OR3A2: variants seen among roughly 807,000 people sequenced by gnomAD.
OR3A2 encodes olfactory receptor family 3 subfamily A member 2, also known as olfactory receptor 3A2.
For missense variants in OR3A2, 318 were observed against 392.8 expected, an observed-to-expected ratio of 0.81 and a Z score of 1.61; for synonymous variants, 126 against 159.3, an observed-to-expected ratio of 0.79 and a Z score of 1.57.
intron 2 of OR3A2, among the ~76,000 whole-genome samples, chr17:3,379,907 C>A (rs1284446412): frequency 1.3e-5 from 2 of 152,182 alleles, no homozygotes; most frequent in Non-Finnish European, 2.9e-5. Flanking sequence ...CTCGATGCCC[C>A]CTCTCCTACT....
At chr17:3,293,273 T>C (rs538647774) in intron 3 of OR3A2, among the ~76,000 whole-genome samples, 7 of 152,126 alleles carry the variant, frequency 4.6e-5, no homozygotes, top group Admixed American at 2.0e-4. Flanking sequence ...TGACCCTGAA[T>C]TGGACTCAAG....
chr17:3,333,520 C>A (rs992568950), intron 3 of OR3A2, among the ~76,000 whole-genome samples: 2 of 152,130 alleles, frequency 1.3e-5, no homozygotes, highest in African/African-American at 4.8e-5. Flanking sequence ...TAAAAACTTG[C>A]TGGTTTTGCA....
At chr17:3,306,123 C>T (rs954406344) in intron 3 of OR3A2, among the ~76,000 whole-genome samples, 3 of 151,280 alleles carry the variant, frequency 2.0e-5, no homozygotes, top group Non-Finnish European at 4.4e-5. Flanking sequence ...CTGAGCTCCA[C>T]TGGAGGCTCT....
exon 2 of OR3A2, chr17:3,277,329 GTTT>G (rs58671809): frequency 6.6e-6 from 1 of 152,104 alleles, no homozygotes; most frequent in Admixed American, 6.6e-5. Flanking sequence ...TATGGTTTTG[GTTT>G]TTTTAAAAAA....
chr17:3,288,477 C>T (rs804241), upstream of OR3A2, among the ~76,000 whole-genome samples: 76,437 of 151,854 alleles, frequency 0.5, 20,469 homozygotes, highest in East Asian at 0.93. Flanking sequence ...CAGGGGTAAG[C>T]GATGTTTGCA....
chr17:3,341,063 T>G (rs550749828), intron 2 of OR3A2, among the ~76,000 whole-genome samples: 1 of 152,242 alleles, frequency 6.6e-6, no homozygotes, highest in East Asian at 1.9e-4. Flanking sequence ...TTAAAGTCTG[T>G]CTTATCAGAG....
intron 3 of OR3A2, chr17:3,291,756 G>C (rs746433134): frequency 6.2e-7 from 1 of 1,613,842 alleles, no homozygotes; most frequent in Non-Finnish European, 8.5e-7. Flanking sequence ...AATTCCAACA[G>C]CTTTATCCTT....
intron 2 of OR3A2, among the ~76,000 whole-genome samples, chr17:3,353,118 CTTTT>C (rs33989147): frequency 6.9e-6 from 1 of 145,480 alleles, no homozygotes; most frequent in Non-Finnish European, 1.5e-5. Context: ...CTTATAAGTT[CTTTT>C]TTTTTTTTTG....
chr17:3,367,584 T>C (rs952908577), intron 2 of OR3A2, among the ~76,000 whole-genome samples: 1 of 93,768 alleles, frequency 1.1e-5, no homozygotes, highest in Admixed American at 1.3e-4. Flanking sequence ...GGTGTATATG[T>C]ATATGTGTGT....
intron 2 of OR3A2, among the ~76,000 whole-genome samples, chr17:3,354,055 T>A (rs551503376): frequency 2.9e-4 from 44 of 151,958 alleles, no homozygotes; most frequent in Non-Finnish European, 4.0e-4. Flanking sequence ...GTAATTTTTT[T>A]AAATGTATTG....
chr17:3,327,338 G>A, intron 3 of OR3A2, among the ~76,000 whole-genome samples: 1 of 60,684 alleles, frequency 1.6e-5, no homozygotes, highest in Non-Finnish European at 2.5e-5. Context: ...GTGTTTTTTG[G>A]CTGCATAAAT....
chr17:3,365,032 G>A (rs1266908982), intron 2 of OR3A2, among the ~76,000 whole-genome samples: 1 of 152,056 alleles, frequency 6.6e-6, no homozygotes, highest in African/African-American at 2.4e-5. Flanking sequence ...ACTAAGAAAT[G>A]GTCTAATGAT....
chr17:3,301,574 T>C (rs1338057181), intron 3 of OR3A2, among the ~76,000 whole-genome samples: 1 of 152,250 alleles, frequency 6.6e-6, no homozygotes, highest in Non-Finnish European at 1.5e-5. Flanking sequence ...TTAAGTTCTT[T>C]GTAGATTCTG....
At chr17:3,323,621 T>C (rs553125774) in intron 3 of OR3A2, among the ~76,000 whole-genome samples, 1 of 152,190 alleles carries the variant, frequency 6.6e-6, no homozygotes, top group African/African-American at 2.4e-5. Flanking sequence ...TTATGAAGCT[T>C]AGTTTGGCTG....
At chr17:3,373,084 T>C (rs977627551) in intron 2 of OR3A2, among the ~76,000 whole-genome samples, 6 of 152,330 alleles carry the variant, frequency 3.9e-5, no homozygotes, top group South Asian at 4.1e-4. Flanking sequence ...TTATATAATT[T>C]CCATGCGTGT....
chr17:3,356,342 A>T (rs764275021), intron 2 of OR3A2, among the ~76,000 whole-genome samples: 10 of 151,480 alleles, frequency 6.6e-5, no homozygotes, highest in Non-Finnish European at 1.3e-4. Context: ...ACCTTCAGAT[A>T]ATTTTTCCTT....
At chr17:3,366,605 T>A (rs1234525936) in intron 2 of OR3A2, among the ~76,000 whole-genome samples, 1 of 152,208 alleles carries the variant, frequency 6.6e-6, no homozygotes, top group Admixed American at 6.5e-5. Flanking sequence ...TCCGATACTC[T>A]CTACCTTACC....
rs529962746 is a variant in OR3A2 at position 3,309,031 on chromosome 17, G to A, written c.-85+27002C>T. Among the ~76,000 whole-genome samples, 50 of 152,058 alleles carry A rather than the reference G, an allele frequency of 3.3e-4. No individual in the cohort carries two copies. The South Asian group carries it at 0.01, about 32-fold the overall frequency. On this transcript the variant is annotated intron_variant, in intron 3 of 4. Transcript: ENST00000573491. ...AGCAATTCTTCTGCCCCAGCCTCCC[G>A]AGTAGCTGGGATTACAGGCACCTGC...
intron 2 of OR3A2, among the ~76,000 whole-genome samples, chr17:3,369,490 T>C (rs903903411): frequency 1.1e-4 from 16 of 152,252 alleles, no homozygotes; most frequent in African/African-American, 3.4e-4. Flanking sequence ...TCTATTGAGA[T>C]GATCATAAGA....
Sources: allele counts gnomAD v4.1 joint callset (sites outside exome capture counted in the v4.1 genomes callset), GRCh38; gene constraint gnomAD v4.1.1; transcripts MANE v1.5; gene names NCBI Gene and HGNC (gene_info 2026-07-23, HGNC 2026-07-21).